Variants in OSER1 observed in about 807,000 individuals in gnomAD.
OSER1 encodes the protein oxidative stress responsive serine rich 1.
In OSER1, 15 loss-of-function variants were observed where a neutral mutation model predicts 26.3. That is an observed-to-expected ratio of 0.57 (90% CI 0.38 to 0.88). The LOEUF is 0.88. OSER1 is among the 40% of genes least tolerant of loss of function. The pLI is 0.00. For missense variants in OSER1, 313 were observed against 353.9 expected (o/e 0.88, Z 0.93); for synonymous variants, 127 against 128.2 (o/e 0.99, Z 0.07).
intron 1 of OSER1, among the ~76,000 whole-genome samples, chr20:44,209,224 A>G (rs577573633): frequency 6.6e-6 from 1 of 152,278 alleles, no homozygotes; most frequent in Non-Finnish European, 1.5e-5. Context: ...CTAAAAACCA[A>G]AACAGGCCAG....
At position 44,196,305 on chromosome 20, in the gene OSER1, A is replaced by AC. The variant is rs2072918090; in HGVS notation, c.*746_*747insG. ...ATTACAACTGATAACAAAAAAAAAA[A>AC]AAAAAAACCGCCATATATTTAAAAT... is the stretch of plus-strand genomic sequence containing the variant. On this transcript the variant is annotated 3_prime_UTR_variant, in exon 4 of 4. Transcript: ENST00000255174. 7.1e-6 allele frequency among the ~76,000 whole-genome samples: 1 copy of AC among 139,940 alleles called. No homozygotes were observed. Among genetic ancestry groups the AC allele is most frequent in the African/African-American group, 3.1e-5 (1 of 32,492 alleles). 91.8% of individuals were successfully genotyped at this position (139,940 alleles called of 152,430 possible). A position where few individuals can be genotyped will look rare whatever the true frequency, so the allele number is the denominator to read the frequency against.
At chr20:44,202,850 T>G in intron 3 of OSER1, 111 bp downstream of exon 3, 2 of 547,016 alleles carry the variant, frequency 3.7e-6, no homozygotes, top group African/African-American at 1.9e-5. Flanking sequence ...CATCTAATCA[T>G]TGGGTCTTAG....
chr20:44,206,845 A>C, intron 2 of OSER1, 36 bp downstream of exon 2: 1 of 866,938 alleles, frequency 1.2e-6, no homozygotes, highest in South Asian at 1.4e-5. Context: ...ATAAGTAAAC[A>C]AATAATTCCA....
intron 3 of OSER1, among the ~76,000 whole-genome samples, chr20:44,198,911 T>C (rs1032974991): frequency 3.9e-5 from 6 of 152,250 alleles, no homozygotes; most frequent in Admixed American, 3.9e-4. Context: ...TGCACCATCC[T>C]GCTCCGTCCC....
upstream of OSER1, among the ~76,000 whole-genome samples, chr20:44,211,508 A>G (rs2073109592): frequency 6.6e-6 from 1 of 152,144 alleles, no homozygotes; most frequent in South Asian, 2.1e-4. Context: ...GAGGAAGTTG[A>G]ACCTTATCGG....
intron 1 of OSER1, among the ~76,000 whole-genome samples, chr20:44,210,303 G>T (rs2073087746): frequency 6.6e-6 from 1 of 152,224 alleles, no homozygotes; most frequent in Non-Finnish European, 1.5e-5. Flanking sequence ...AAGGGATGCG[G>T]GAGAAGAAAG....
At chr20:44,202,504 AAAG>A (rs773221545) in intron 3 of OSER1, among the ~76,000 whole-genome samples, 4 of 152,232 alleles carry the variant, frequency 2.6e-5, no homozygotes, top group Non-Finnish European at 4.4e-5. Flanking sequence ...AATTCACCAG[AAAG>A]AAAACATTCT....
upstream of OSER1, chr20:44,210,973 G>A (rs989581344): frequency 2.6e-5 from 4 of 152,256 alleles, no homozygotes; most frequent in Non-Finnish European, 5.9e-5. Context: ...AGAAGCACGT[G>A]CGCCTTACGT....
intron 1 of OSER1, among the ~76,000 whole-genome samples, chr20:44,208,383 T>TG (rs1251189996): frequency 6.9e-6 from 1 of 144,754 alleles, no homozygotes; most frequent in African/African-American, 2.7e-5. Context: ...CAGAGCTCTC[T>TG]GGGGAACACT....
intron 3 of OSER1, among the ~76,000 whole-genome samples, chr20:44,199,567 T>A (rs189811611): frequency 6.6e-6 from 1 of 152,348 alleles, no homozygotes; most frequent in East Asian, 1.9e-4. Flanking sequence ...TGAAAGTTCT[T>A]GACTTAATAA....
chr20:44,197,374 T>G lies in OSER1; in HGVS notation c.557A>C (p.Gln186Pro). The G allele has an allele frequency of 6.2e-7, 1 of 1,614,234 alleles. No individual in the cohort carries two copies. The change falls in exon 4 of 4, where the codon CAA becomes CCA. Residue 186 changes from glutamine to proline, a missense_variant. Around this residue, in one of 2 missense-constraint regions of OSER1, gnomAD observed 300 missense variants for 318.3 expected, o/e 0.94. Transcript: ENST00000255174. ...GCCCTGGTTTAGCTTGGAAACTGAT[T>G]GAAAGTCAGAGAGATCACTGGCTTT... ...SLKASDLSDFQSVSKLNQGKP... is the reference protein window; with the variant it reads ...SLKASDLSDFPSVSKLNQGKP...
rs9346 is a variant in OSER1 at position 44,197,710 on chromosome 20, A to C, written c.221T>G (p.Val74Gly). ...AGAACGTCGACGACGCTGAGTTCTC[A>C]CTGCTCCTCGTGAAGACTTCCTTGT... ...GSTRKSSRGAVRTQRRRRSKS... is the reference protein window; with the variant it reads ...GSTRKSSRGAGRTQRRRRSKS... Residue 74 changes from valine (V) to glycine (G), a missense_variant, in exon 4 of 4, where the codon GTG becomes GGG. Physicochemically the swap from Val to Gly is moderately radical, Grantham distance 109. Around this residue, in one of 2 missense-constraint regions of OSER1, gnomAD observed 300 missense variants for 318.3 expected, o/e 0.94. Transcript: ENST00000255174. The C allele has an allele frequency of 0.18, 284,979 of 1,608,734 alleles. 34,241 individuals carry two copies. Among genetic ancestry groups the C allele is most frequent in the African/African-American group, 0.52 (39,029 of 74,722 alleles).
intron 1 of OSER1, 107 bp downstream of exon 1, chr20:44,210,579 TCGGGAGACGA>T (rs1439146544): frequency 1.3e-5 from 2 of 152,142 alleles, no homozygotes; most frequent in Non-Finnish European, 2.9e-5. Flanking sequence ...GCAGGAGGCG[TCGGGAGACGA>T]CGCGACCCAA....
intron 3 of OSER1, among the ~76,000 whole-genome samples, chr20:44,198,535 C>T (rs900912262): frequency 6.6e-6 from 1 of 152,018 alleles, no homozygotes; most frequent in African/African-American, 2.4e-5. Context: ...AGGAGAATGG[C>T]GTGAATCTGG....
chr20:44,210,462 G>GCGGGAGGA (rs1456617766), intron 1 of OSER1, among the ~76,000 whole-genome samples: 2 of 152,238 alleles, frequency 1.3e-5, no homozygotes, highest in East Asian at 3.9e-4. Context: ...GCGGGGGACC[G>GCGGGAGGA]CGGGAGGACG....
At chr20:44,207,982 T>A (rs2073055582) in intron 1 of OSER1, among the ~76,000 whole-genome samples, 2 of 152,084 alleles carry the variant, frequency 1.3e-5, no homozygotes, top group South Asian at 4.1e-4. Context: ...TGAATACAAA[T>A]TAAGCAAACC....
rs201808278 is a variant in OSER1 at position 44,197,151 on chromosome 20, G to A, written c.780C>T (p.Phe260=). Residue 260 remains phenylalanine (F), a synonymous_variant, in exon 4 of 4, where the codon TTC becomes TTT. Transcript: ENST00000255174. ...PRSCSEQARV[F]VDDVTIEDLS... is the part of the protein sequence containing the mutation. ...GGTCCTCAATGGTCACATCATCCAC[G>A]AAGACTCGAGCTTGCTCAGAACAGG... 14 of 1,614,032 alleles carry A rather than the reference G, an allele frequency of 8.7e-6. No individual in the cohort carries two copies. In the East Asian group the frequency reaches 2.2e-4, roughly 26 times the overall value.
chr20:44,205,512 T>C (rs1424880142), intron 2 of OSER1, among the ~76,000 whole-genome samples: 1 of 152,210 alleles, frequency 6.6e-6, no homozygotes, highest in South Asian at 2.1e-4. Flanking sequence ...ATCTTCTCAT[T>C]TGATAGCCCA....
intron 3 of OSER1, among the ~76,000 whole-genome samples, chr20:44,202,121 A>G (rs2072988297): frequency 6.6e-6 from 1 of 152,236 alleles, no homozygotes; most frequent in Non-Finnish European, 1.5e-5. Context: ...CACACCTGTA[A>G]TCCTAGCACT....
Sources: allele counts gnomAD v4.1 joint callset (sites outside exome capture counted in the v4.1 genomes callset), GRCh38; gene constraint gnomAD v4.1.1; regional missense constraint gnomAD v4.1.1; transcripts MANE v1.5; gene names NCBI Gene and HGNC (gene_info 2026-07-23, HGNC 2026-07-21).